MMS22L: variants seen among roughly 807,000 people sequenced by gnomAD.
The protein encoded by MMS22L is protein MMS22-like.
MMS22L carries 74 observed loss-of-function variants against 159.1 expected under a neutral mutation model. That is an observed-to-expected ratio of 0.47 (90% CI 0.39 to 0.56). MMS22L has a LOEUF of 0.56. Ranked by LOEUF, MMS22L falls within the 20% of genes least tolerant of loss-of-function variation. The probability of loss-of-function intolerance (pLI) is 0.00; values close to 1 mark genes in which losing one functional copy is unlikely to be tolerated. For synonymous variants in MMS22L, 517 were observed against 506.9 expected (o/e 1.02, Z -0.27); for missense variants, 1,351 against 1,422.1 (o/e 0.95, Z 0.80).
chr6:97,255,567 T>C (rs1021476970), intron 9 of MMS22L, among the ~76,000 whole-genome samples: 1 of 152,124 alleles, frequency 6.6e-6, no homozygotes, highest in Non-Finnish European at 1.5e-5. Flanking sequence ...AGATAAATTA[T>C]TAGTTCATTT....
At chr6:97,175,691 TACC>T (rs1181947446) in intron 18 of MMS22L, among the ~76,000 whole-genome samples, 1 of 152,172 alleles carries the variant, frequency 6.6e-6, no homozygotes, top group Non-Finnish European at 1.5e-5. Flanking sequence ...CACCTGCTAA[TACC>T]ACCACCATTC....
At chr6:97,240,456 G>T (rs1051988998) in intron 11 of MMS22L, among the ~76,000 whole-genome samples, 1 of 152,120 alleles carries the variant, frequency 6.6e-6, no homozygotes, top group Non-Finnish European at 1.5e-5. Flanking sequence ...GAAACTCTGG[G>T]CCATGCAAAC....
At chr6:97,247,130 G>A (rs995290265) in intron 10 of MMS22L, among the ~76,000 whole-genome samples, 13 of 150,562 alleles carry the variant, frequency 8.6e-5, no homozygotes, top group Admixed American at 7.3e-4. Context: ...ATCTACTTTA[G>A]TAAACAAAGT....
intron 14 of MMS22L, among the ~76,000 whole-genome samples, chr6:97,202,658 C>A (rs1244416820): frequency 1.3e-5 from 2 of 152,034 alleles, no homozygotes; most frequent in Non-Finnish European, 2.9e-5. Context: ...CACTAAGTAA[C>A]AGAAATGGAA....
intron 16 of MMS22L, among the ~76,000 whole-genome samples, chr6:97,180,262 C>T (rs982460041): frequency 2.6e-5 from 4 of 152,094 alleles, no homozygotes; most frequent in East Asian, 1.9e-4. Context: ...CCACCATGCC[C>T]GGCTAATTTT....
At chr6:97,279,652 T>TG (rs1409376539) in intron 3 of MMS22L, among the ~76,000 whole-genome samples, 3 of 151,376 alleles carry the variant, frequency 2.0e-5, no homozygotes, top group Non-Finnish European at 2.9e-5. Context: ...CCGGGCGTGG[T>TG]GGGGGGACCC....
rs143982312 is a variant in MMS22L at position 97,218,373 on chromosome 6, CA to C, written c.2039+10520del. Among the ~76,000 whole-genome samples, 3 of 152,200 alleles carry C rather than the reference CA, an allele frequency of 2.0e-5. No individual in the cohort carries two copies. The East Asian group carries it at 5.8e-4, about 29-fold the overall frequency. The stretch of plus-strand genomic sequence containing the variant: ...TGGATAAGCATATAAAATTTCAGGA[CA>C]AGTATAAACCATTAGCAAGTAGTAT... On this transcript the variant is annotated intron_variant, in intron 14 of 24. Transcript: ENST00000683635.
intron 4 of MMS22L, among the ~76,000 whole-genome samples, chr6:97,274,802 T>G (rs1043677462): frequency 6.6e-6 from 1 of 151,880 alleles, no homozygotes; most frequent in Non-Finnish European, 1.5e-5. Flanking sequence ...GCATGAAAAA[T>G]ATTACCCAAC....
At chr6:97,260,499 C>T (rs1814345098) in intron 9 of MMS22L, 1 of 152,154 alleles carries the variant, frequency 6.6e-6, no homozygotes, top group Admixed American at 6.6e-5. Flanking sequence ...TTCTTTCCTG[C>T]ATTGAATGTA....
intron 22 of MMS22L, among the ~76,000 whole-genome samples, chr6:97,161,660 A>G (rs1356952516): frequency 6.6e-6 from 1 of 152,074 alleles, no homozygotes; most frequent in Non-Finnish European, 1.5e-5. Flanking sequence ...ACCTCTCATT[A>G]CTTGATATTT....
intron 11 of MMS22L, among the ~76,000 whole-genome samples, chr6:97,243,566 A>G (rs961553648): frequency 5.3e-5 from 8 of 152,094 alleles, no homozygotes; most frequent in African/African-American, 1.4e-4. Context: ...ATCGACCTTT[A>G]GAACTCTTTT....
At chr6:97,280,117 G>T (rs1816626424) in intron 3 of MMS22L, among the ~76,000 whole-genome samples, 1 of 152,076 alleles carries the variant, frequency 6.6e-6, no homozygotes, top group East Asian at 1.9e-4. Flanking sequence ...GTATGACATG[G>T]CGTAGATACA....
chr6:97,256,079 C>T (rs1813775376), intron 9 of MMS22L, among the ~76,000 whole-genome samples: 1 of 152,150 alleles, frequency 6.6e-6, no homozygotes, highest in African/African-American at 2.4e-5. Context: ...TTTAAATCTA[C>T]AATCTTATTC....
intron 8 of MMS22L, chr6:97,266,008 C>A (rs989899019): frequency 1.3e-5 from 2 of 152,336 alleles, no homozygotes; most frequent in Admixed American, 1.3e-4. Flanking sequence ...GCGTGAGCCA[C>A]CGCGCCTAGC....
intron 6 of MMS22L, chr6:97,271,397 C>T (rs912302162): frequency 6.6e-6 from 1 of 152,066 alleles, no homozygotes; most frequent in East Asian, 1.9e-4. Context: ...ATAAATTATT[C>T]ATTTTTATTT....
intron 14 of MMS22L, among the ~76,000 whole-genome samples, chr6:97,207,377 A>T (rs1807897181): frequency 6.6e-6 from 1 of 152,202 alleles, no homozygotes; most frequent in South Asian, 2.1e-4. Flanking sequence ...GCTGTGTGTT[A>T]TACTTCAATG....
intron 21 of MMS22L, among the ~76,000 whole-genome samples, chr6:97,163,597 A>T (rs1802665452): frequency 6.6e-6 from 1 of 152,126 alleles, no homozygotes; most frequent in South Asian, 2.1e-4. Flanking sequence ...TTTAGTTTGT[A>T]CTATAATTAC....
chr6:97,165,188 C>G, intron 21 of MMS22L, 58 bp downstream of exon 21: 2 of 1,481,250 alleles, frequency 1.4e-6, no homozygotes, highest in Non-Finnish European at 1.9e-6. Flanking sequence ...GCCACTTTAT[C>G]ACTTTAATAG....
intron 14 of MMS22L, among the ~76,000 whole-genome samples, chr6:97,200,381 T>C (rs1040620198): frequency 2.0e-5 from 3 of 152,084 alleles, no homozygotes; most frequent in Admixed American, 6.6e-5. Flanking sequence ...TAAAAGATTA[T>C]CCATTGAGTC....
Sources: allele counts gnomAD v4.1 joint callset (sites outside exome capture counted in the v4.1 genomes callset), GRCh38; gene constraint gnomAD v4.1.1; transcripts MANE v1.5; gene names NCBI Gene and HGNC (gene_info 2026-07-23, HGNC 2026-07-21).